XPOT: variants seen among roughly 807,000 people sequenced by gnomAD.
XPOT encodes exportin for tRNA, also known as exportin-T.
A neutral mutation model predicts 128.2 loss-of-function variants in XPOT; 34 were observed. The observed-to-expected ratio is 0.27, with a 90% CI of 0.20 to 0.35. XPOT has a LOEUF of 0.35. Ranked by LOEUF, XPOT falls within the 10% of genes least tolerant of loss-of-function variation. The probability of loss-of-function intolerance (pLI) is 1.00; values close to 1 mark genes in which losing one functional copy is unlikely to be tolerated. For synonymous variants in XPOT, 348 were observed against 394.3 expected (o/e 0.88, Z 1.39); for missense variants, 838 against 1,125.3 (o/e 0.74, Z 3.65).
At chr12:64,423,379 C>G (rs2040159464) in intron 11 of XPOT, 135 bp downstream of exon 11, 2 of 590,398 alleles carry the variant, frequency 3.4e-6, no homozygotes, top group African/African-American at 1.9e-5. Flanking sequence ...TATATTGACA[C>G]CAACCTTGGG....
intron 3 of XPOT, among the ~76,000 whole-genome samples, chr12:64,416,036 T>A (rs374803035): frequency 5.8e-4 from 88 of 152,334 alleles, no homozygotes; most frequent in African/African-American, 2.1e-3. Context: ...CATTGGCAGA[T>A]TGTTGGTCTC....
In XPOT at chr12:64,420,063, AT is replaced by A. The variant is rs1565797035; in HGVS notation, c.490-3del. 1.3e-6 allele frequency: 2 copies of A among 1,550,052 alleles called. No homozygotes were observed. On this transcript the variant is annotated splice_region_variant and splice_polypyrimidine_tract_variant and intron_variant, in intron 6 of 24. Transcript: ENST00000332707. The stretch of plus-strand genomic sequence containing the variant: ...ATCTACTTTGCATTTGGCGTTTTGT[AT>A]TTTAGGAGGCTCGTAGGAATACTCT...
chr12:64,410,258 G>A (rs898823950), intron 2 of XPOT, among the ~76,000 whole-genome samples, 163 bp downstream of exon 2: 1 of 152,146 alleles, frequency 6.6e-6, no homozygotes, highest in African/African-American at 2.4e-5. Context: ...AACAGTGAGT[G>A]TTGTGATTTA....
intron 1 of XPOT, among the ~76,000 whole-genome samples, chr12:64,406,250 A>G (rs766419078): frequency 6.6e-6 from 1 of 150,538 alleles, no homozygotes; most frequent in South Asian, 2.1e-4. Context: ...TAATTTTTGT[A>G]TTTTTAGTAG....
chr12:64,448,204 C>A lies in XPOT; in HGVS notation c.*73C>A, dbSNP rs2040380921. On this transcript the variant is annotated 3_prime_UTR_variant, in exon 25 of 25. Transcript: ENST00000332707. Reference sequence around the variant, plus strand: ...TTTATAAAGAGGCGATTTTTGTGTGCCATTCACACTGGTCTTTTTCACATT... The same window carrying A: ...TTTATAAAGAGGCGATTTTTGTGTGACATTCACACTGGTCTTTTTCACATT... 7.2e-7 allele frequency: 1 copy of A among 1,387,494 alleles called. No homozygotes were observed. Among genetic ancestry groups the A allele is most frequent in the Non-Finnish European group, 1.0e-6 (1 of 974,518 alleles). 85.9% of individuals were successfully genotyped at this position (1,387,494 alleles called of 1,614,324 possible).
chr12:64,425,351 G>C lies in XPOT; in HGVS notation c.1466G>C (p.Gly489Ala). Reference protein sequence around the residue: ...QDMMRTLVTSGVSSYQHTSVT... With the variant: ...QDMMRTLVTSAVSSYQHTSVT... ...TTCCTGATCTAGCTGGTAACATCAG[G>C]AGTCAGTTCCTATCAGCATACATCT... The change falls in exon 14 of 25, where the codon GGA becomes GCA. Residue 489 changes from glycine to alanine, a missense_variant. Gly to Ala is a moderately conservative substitution (Grantham distance 60, BLOSUM62 0). This residue lies in a region of XPOT where 761 missense variants were observed against 988.3 expected (regional missense o/e 0.77). Coordinates refer to ENST00000332707, the MANE Select transcript of XPOT (RefSeq NM_007235.6). 1 of 1,612,998 alleles carries C rather than the reference G, an allele frequency of 6.2e-7. No homozygotes were observed. The highest frequency in any genetic ancestry group is 8.5e-7 in the Non-Finnish European group (1 of 1,179,896).
chr12:64,424,565 G>A, intron 11 of XPOT, 34 bp from the exon 12 acceptor site: 1 of 1,609,402 alleles, frequency 6.2e-7, no homozygotes, highest in East Asian at 2.2e-5. Context: ...CAACCCATAA[G>A]TTTTTTGAAT....
chr12:64,418,132 A>C lies in XPOT; in HGVS notation c.270+17A>C, dbSNP rs750963695. 1.3e-5 allele frequency: 21 copies of C among 1,598,268 alleles called. No individual in the cohort carries two copies. The highest frequency in any genetic ancestry group is 4.5e-5 in the East Asian group (2 of 44,760). On this transcript the variant is annotated intron_variant, in intron 5 of 24. Coordinates refer to ENST00000332707, the MANE Select transcript of XPOT (RefSeq NM_007235.6). ...CAAGCTCAGGTAAAATCATAATTTC[A>C]TTCAGTACCTCAAATTATTAGATAT...
chr12:64,427,595 C>G (rs968529234), intron 15 of XPOT, among the ~76,000 whole-genome samples: 3 of 152,084 alleles, frequency 2.0e-5, no homozygotes, highest in African/African-American at 7.2e-5. Flanking sequence ...TCCTCAGGCT[C>G]AGGTGATCTT....
chr12:64,433,736 T>G, intron 19 of XPOT, 133 bp downstream of exon 19: 1 of 795,486 alleles, frequency 1.3e-6, no homozygotes, highest in Non-Finnish European at 1.8e-6. Context: ...CAGTTTATTG[T>G]TTTCAGGGTG....
Position 64,408,130 on chromosome 12 carries a change from G to A in XPOT, c.-74-1832G>A, listed in dbSNP as rs536971565. 2.6e-5 allele frequency among the ~76,000 whole-genome samples: 4 copies of A among 151,800 alleles called. No individual in the cohort carries two copies. In the South Asian group the frequency reaches 6.2e-4, roughly 24 times the overall value. On this transcript the variant is annotated intron_variant, in intron 1 of 24. Transcript: ENST00000332707. The stretch of plus-strand genomic sequence containing the variant: ...CACAGCCTTTTTTTGTTTTTTTTGA[G>A]ACAGAGTCTCGTTCTGTCACCCAGG...
intron 11 of XPOT, among the ~76,000 whole-genome samples, chr12:64,424,258 A>G (rs180779052): frequency 6.6e-6 from 1 of 152,310 alleles, no homozygotes; most frequent in East Asian, 1.9e-4. Flanking sequence ...ACCTTCTTAG[A>G]CTATTTCTAG....
At chr12:64,420,545 T>C (rs2040129120) in intron 8 of XPOT, 24 bp downstream of exon 8, 1 of 1,584,710 alleles carries the variant, frequency 6.3e-7, no homozygotes, top group African/African-American at 1.4e-5. Flanking sequence ...TATAAAACAT[T>C]GTATGTAAAG....
At chr12:64,424,206 A>G (rs1178364649) in intron 11 of XPOT, among the ~76,000 whole-genome samples, 1 of 152,240 alleles carries the variant, frequency 6.6e-6, no homozygotes, top group Non-Finnish European at 1.5e-5. Context: ...AATAAGGTGC[A>G]AAGAATTCAA....
At chr12:64,416,349 C>T (rs1261498302) in intron 3 of XPOT, among the ~76,000 whole-genome samples, 10 of 152,146 alleles carry the variant, frequency 6.6e-5, no homozygotes, top group Non-Finnish European at 1.5e-4. Context: ...AATTTTACAC[C>T]TAACCTGTTA....
intron 18 of XPOT, among the ~76,000 whole-genome samples, chr12:64,432,531 C>A (rs1345222181): frequency 6.6e-6 from 1 of 152,174 alleles, no homozygotes; most frequent in African/African-American, 2.4e-5. Flanking sequence ...CAGGCATAAA[C>A]CTGGCCACTT....
At chr12:64,425,269 A>G in intron 13 of XPOT, 69 bp from the exon 14 acceptor site, 1 of 1,609,884 alleles carries the variant, frequency 6.2e-7, no homozygotes, top group Admixed American at 1.7e-5. Flanking sequence ...AGCTTAGTAT[A>G]TGTTAATACC....
chr12:64,421,165 T>C, intron 8 of XPOT, 70 bp from the exon 9 acceptor site: 1 of 1,118,414 alleles, frequency 8.9e-7, no homozygotes, highest in South Asian at 1.3e-5. Context: ...TTGATTCATA[T>C]TAAAGTTCAG....
intron 23 of XPOT, 85 bp from the exon 24 acceptor site, chr12:64,444,990 T>TA (rs374914284): frequency 0.035 from 23,461 of 665,150 alleles, 3 homozygotes; most frequent in South Asian, 0.057. Flanking sequence ...AAAAAAAAAT[T>TA]AAAAAAAAAA....
Sources: allele counts gnomAD v4.1 joint callset (sites outside exome capture counted in the v4.1 genomes callset), GRCh38; gene constraint gnomAD v4.1.1; regional missense constraint gnomAD v4.1.1; transcripts MANE v1.5; gene names NCBI Gene and HGNC (gene_info 2026-07-23, HGNC 2026-07-21).